Variants in AADAC observed in about 807,000 individuals in gnomAD.
The protein encoded by AADAC is arylacetamide deacetylase.
AADAC carries 17 observed loss-of-function variants against 22.7 expected under a neutral mutation model. The ratio of observed to expected loss-of-function variants is 0.75; its 90% CI spans 0.51 to 1.12. AADAC has a LOEUF of 1.12. Ranked by LOEUF, AADAC falls within the 50% of genes most tolerant of loss-of-function variation. The probability of loss-of-function intolerance (pLI) is 0.00; values close to 1 mark genes in which losing one functional copy is unlikely to be tolerated. For missense variants in AADAC, 465 were observed against 473.9 expected (o/e 0.98, Z 0.17); for synonymous variants, 167 against 176.3 (o/e 0.95, Z 0.42).
At chr3:151,827,158 C>T (rs1533685) in intron 4 of AADAC, among the ~76,000 whole-genome samples, 114,959 of 151,706 alleles carry the variant, frequency 0.76, 43,930 homozygotes, top group Middle Eastern at 0.85. Flanking sequence ...AAGCAATCCA[C>T]ACTTCAGCCT....
Position 151,827,837 on chromosome 3 carries a change from G to C in AADAC, c.865G>C (p.Glu289Gln). 6.2e-7 allele frequency: 1 copy of C among 1,613,214 alleles called. No individual in the cohort carries two copies. Among genetic ancestry groups the C allele is most frequent in the South Asian group, 1.1e-5 (1 of 91,052 alleles). Residue 289 changes from glutamate (E) to glutamine (Q), a missense_variant, in exon 5 of 5, where the codon GAG (glutamate) becomes CAG (glutamine). Glu to Gln is a conservative substitution (Grantham distance 29). Transcript: ENST00000232892. Reference sequence around the variant, plus strand: ...TGTTAATTGGAGTTCCCTGCTCCCTGAGAGGTTTATAAAAGGACATGTTTA... The same window carrying C: ...TGTTAATTGGAGTTCCCTGCTCCCTCAGAGGTTTATAAAAGGACATGTTTA... ...KFVNWSSLLP[E>Q]RFIKGHVYNN...
At chr3:151,816,129 C>T (rs182505704) in intron 1 of AADAC, among the ~76,000 whole-genome samples, 20 of 152,130 alleles carry the variant, frequency 1.3e-4, no homozygotes, top group African/African-American at 4.8e-4. Flanking sequence ...AGAACACTGA[C>T]TCATTCTACA....
chr3:151,817,373 T>G lies in AADAC; in HGVS notation c.146T>G (p.Phe49Cys), dbSNP rs553134289. The G allele has an allele frequency of 8.5e-5, 137 of 1,612,380 alleles. 2 individuals are homozygous for G. In the South Asian group the frequency reaches 1.4e-3, roughly 16 times the overall value. ...HLKTIQNLAT[F>C]VELLGLHHFM... ...TGTGAATTTCATTTTTAGGCTACATTTGTGGAGCTCCTGGGACTTCACCAT... is the reference window on the plus strand; with the variant it reads ...TGTGAATTTCATTTTTAGGCTACATGTGTGGAGCTCCTGGGACTTCACCAT... Residue 49 changes from phenylalanine to cysteine, a missense_variant, in exon 2 of 5, where the codon TTT becomes TGT. Transcript: ENST00000232892.
intron 4 of AADAC, among the ~76,000 whole-genome samples, chr3:151,827,037 C>G (rs1451704036): frequency 1.3e-5 from 2 of 151,844 alleles, no homozygotes; most frequent in Admixed American, 6.6e-5. Context: ...GTCTTAGCCT[C>G]CTGAGTAGCT....
At position 151,828,003 on chromosome 3, in the gene AADAC, T is replaced by A; in HGVS notation, c.1031T>A (p.Leu344His). 2 of 1,613,240 alleles carry A rather than the reference T, an allele frequency of 1.2e-6. No individual in the cohort carries two copies. Among genetic ancestry groups the A allele is most frequent in the African/African-American group, 1.3e-5 (1 of 74,974 alleles). ...LTYVITCQYDLLRDDGLMYVT... is the reference protein window; with the variant it reads ...LTYVITCQYDHLRDDGLMYVT... The stretch of plus-strand genomic sequence containing the variant: ...TATGTCATCACCTGTCAATATGATC[T>A]CTTAAGAGATGATGGACTCATGTAT... The change falls in exon 5 of 5, where the codon CTC (leucine) becomes CAC (histidine). Residue 344 changes from leucine to histidine, a missense_variant. Physicochemically the swap from Leu to His is moderately conservative, Grantham distance 99 (BLOSUM62 -3). Transcript: ENST00000232892.
At chr3:151,820,798 G>A (rs1445414629) in intron 3 of AADAC, among the ~76,000 whole-genome samples, 1 of 132,122 alleles carries the variant, frequency 7.6e-6, no homozygotes, top group Non-Finnish European at 1.6e-5. Context: ...GATTACAGGC[G>A]TGAGCCACCG....
At chr3:151,823,941 G>A (rs1228048385) in intron 3 of AADAC, among the ~76,000 whole-genome samples, 1 of 151,962 alleles carries the variant, frequency 6.6e-6, no homozygotes, top group Non-Finnish European at 1.5e-5. Context: ...TTTAATATGT[G>A]ATCTACCCTC....
intron 1 of AADAC, among the ~76,000 whole-genome samples, chr3:151,814,817 G>T (rs769821389): frequency 7.8e-4 from 119 of 152,148 alleles, no homozygotes; most frequent in African/African-American, 2.8e-3. Flanking sequence ...CAAATGAGAG[G>T]GGGAGGGAGA....
At chr3:151,819,734 A>C (rs1317872036) in intron 2 of AADAC, among the ~76,000 whole-genome samples, 1 of 151,946 alleles carries the variant, frequency 6.6e-6, no homozygotes, top group African/African-American at 2.4e-5. Context: ...AAATAATTGG[A>C]TATAGATAGG....
At position 151,814,150 on chromosome 3, in the gene AADAC, CGGGACGTTCACCAT is replaced by C. The variant is rs768082691; in HGVS notation, c.-8_6del. On this transcript the variant is annotated start_lost and 5_prime_UTR_variant, in exon 1 of 5. Coordinates refer to ENST00000232892, the MANE Select transcript of AADAC (RefSeq NM_001086.3). Reference sequence around the variant, plus strand: ...TTCTGTGTTTCTAGAGACCAAGAAGCGGGACGTTCACCATGGGAAGAAAATCGCTGTACCTTCTG... The same window carrying C: ...TTCTGTGTTTCTAGAGACCAAGAAGCGGGAAGAAAATCGCTGTACCTTCTG... 1.9e-6 allele frequency: 3 copies of C among 1,613,050 alleles called. No individual in the cohort carries two copies. In the South Asian group the frequency reaches 3.3e-5, roughly 18 times the overall value.
intron 3 of AADAC, among the ~76,000 whole-genome samples, chr3:151,820,684 A>ATTTTTTTTTTTTTTTTTTTTTTTTTTTTT: frequency 1.1e-5 from 1 of 88,450 alleles, no homozygotes; most frequent in African/African-American, 4.0e-5. Context: ...CACCCGGCTA[A>ATTTTTTTTTTTTTTTTTTTTTTTTTTTTT]TTTTTTTATT....
chr3:151,823,458 C>T (rs1371019048), intron 3 of AADAC, among the ~76,000 whole-genome samples: 3 of 151,334 alleles, frequency 2.0e-5, no homozygotes, highest in Admixed American at 6.6e-5. Context: ...GAAGTATAGG[C>T]GAAAGACTCA....
Position 151,826,037 on chromosome 3 carries a change from C to T in AADAC, c.603+1203C>T, listed in dbSNP as rs777419769. 1.8e-4 allele frequency among the ~76,000 whole-genome samples: 27 copies of T among 151,752 alleles called. 1 individual carries two copies. The highest frequency in any genetic ancestry group is 3.7e-4 in the Non-Finnish European group (25 of 67,882). ...TTTATTAGTTGACTTTAGTTACAAA[C>T]GAGGGTTCTACAGCAATTTTAAAAC... is the stretch of plus-strand genomic sequence containing the variant. On this transcript the variant is annotated intron_variant, in intron 4 of 4. Coordinates refer to ENST00000232892, the MANE Select transcript of AADAC (RefSeq NM_001086.3).
chr3:151,826,874 C>T (rs976269123), intron 4 of AADAC, among the ~76,000 whole-genome samples: 2 of 151,684 alleles, frequency 1.3e-5, no homozygotes, highest in African/African-American at 4.8e-5. Context: ...TTAAGTGATC[C>T]TTCTTCTTCA....
chr3:151,816,130 T>C (rs1449219080), intron 1 of AADAC, among the ~76,000 whole-genome samples: 4 of 152,034 alleles, frequency 2.6e-5, no homozygotes, highest in African/African-American at 9.7e-5. Flanking sequence ...GAACACTGAC[T>C]CATTCTACAG....
At chr3:151,818,224 G>C (rs1278542987) in intron 2 of AADAC, among the ~76,000 whole-genome samples, 1 of 141,348 alleles carries the variant, frequency 7.1e-6, no homozygotes, top group East Asian at 2.0e-4. Flanking sequence ...CTGGGCAACA[G>C]AGCAAGACTC....
At chr3:151,824,588 C>T in intron 3 of AADAC, 75 bp from the exon 4 acceptor site, 2 of 1,227,830 alleles carry the variant, frequency 1.6e-6, no homozygotes, top group South Asian at 4.7e-5. Context: ...TTTGTCATTA[C>T]TTTTGCACCA....
At chr3:151,817,634 G>A (rs2271942) in intron 2 of AADAC, 46 bp downstream of exon 2, 1,198,053 of 1,553,926 alleles carry the variant, frequency 0.77, 465,087 homozygotes, top group Middle Eastern at 0.82. Flanking sequence ...GTAGTTCGCA[G>A]ACATTTTACT....
At chr3:151,818,545 A>G (rs1205758370) in intron 2 of AADAC, among the ~76,000 whole-genome samples, 4 of 152,052 alleles carry the variant, frequency 2.6e-5, no homozygotes, top group African/African-American at 7.2e-5. Flanking sequence ...AGTGACATTC[A>G]GAAAACAGAA....
Sources: gnomAD v4.1 joint callset for allele counts (sites outside exome capture counted in the v4.1 genomes callset) on GRCh38, gnomAD v4.1.1 for gene constraint, MANE v1.5 for transcripts, NCBI Gene and HGNC (gene_info 2026-07-23, HGNC 2026-07-21) for gene names.